The following IQSEC1 variants were observed in gnomAD, a reference collection of about 807,000 sequenced individuals.
IQSEC1 encodes the protein IQ motif and SEC7 domain-containing protein 1.
Under a neutral mutation model 91.0 loss-of-function variants are expected in IQSEC1, and 31 were observed. The ratio of observed to expected loss-of-function variants is 0.34; its 90% CI spans 0.26 to 0.46. IQSEC1 has a LOEUF of 0.46. Among genes scored for constraint, IQSEC1 ranks in the 20% least tolerant of loss-of-function variants. IQSEC1 has a pLI of 1.00. For synonymous variants in IQSEC1, 699 were observed against 662.6 expected, an observed-to-expected ratio of 1.05 and a Z score of -0.84; for missense variants, 1,388 against 1,575.6, an observed-to-expected ratio of 0.88 and a Z score of 2.02.
At position 13,022,183 on chromosome 3, in the gene IQSEC1, G is replaced by A. The variant is rs535607534; in HGVS notation, c.23+50809C>T. ...CAGAGTCTCCTCCTGGCCAGGGAAC[G>A]GCTCTCTTCACGGATTTTCAGGTCC... On this transcript the variant is annotated intron_variant, in intron 1 of 13. Coordinates refer to ENST00000613206, the MANE Select transcript of IQSEC1 (RefSeq NM_001134382.3). 24 of 1,231,392 alleles carry A rather than the reference G, an allele frequency of 1.9e-5. No homozygotes were observed. In the South Asian group the frequency reaches 5.8e-4, roughly 30 times the overall value. 76.3% of individuals were successfully genotyped at this position (1,231,392 alleles called of 1,614,324 possible). A position where few individuals can be genotyped will look rare whatever the true frequency, so the allele number is the denominator to read the frequency against.
At chr3:13,243,807 G>A (rs1380340653) in intron 1 of IQSEC1, among the ~76,000 whole-genome samples, 1 of 151,944 alleles carries the variant, frequency 6.6e-6, no homozygotes, top group Non-Finnish European at 1.5e-5. Context: ...GGGGGCGTAT[G>A]GCAGAATGGG....
rs1243544794 is a variant in IQSEC1 at position 13,282,642 on chromosome 3, C to G, written c.272+69G>C. 1.3e-5 allele frequency among the ~76,000 whole-genome samples: 2 copies of G among 151,674 alleles called. No homozygotes were observed. The highest frequency in any genetic ancestry group is 2.0e-4 in the East Asian group (1 of 5,118). On this transcript the variant is annotated intron_variant, in intron 1 of 15. Coordinates refer to the IQSEC1 transcript ENST00000648114. The surrounding 1 kb of genome is among the most constrained non-coding windows in gnomAD (Gnocchi z 6.4). ...ACCCGCCCACCTCCCCGCCAAGCCC[C>G]GAGGGAAGCCGCGGACCCCAAGAAG... is the stretch of plus-strand genomic sequence containing the variant.
chr3:13,253,391 G>A lies in IQSEC1; in HGVS notation c.272+29320C>T, dbSNP rs12629088. ...CCCCCTGGTCAGCAGATTCCTCCCC[G>A]GAAGTAATCATCCCCACCCGAGGCA... On this transcript the variant is annotated intron_variant, in intron 1 of 15. Coordinates refer to the IQSEC1 transcript ENST00000648114. Among the ~76,000 whole-genome samples the A allele has an allele frequency of 4.6e-5, 7 of 152,208 alleles. No homozygotes were observed. The East Asian group carries it at 5.8e-4, about 13-fold the overall frequency.
intron 1 of IQSEC1, among the ~76,000 whole-genome samples, chr3:12,999,884 A>G (rs572055598): frequency 5.3e-5 from 8 of 152,142 alleles, no homozygotes; most frequent in Middle Eastern, 3.2e-3. Flanking sequence ...ATTTTCAACA[A>G]TACACATTCG....
At chr3:12,968,473 G>C (rs1050474641) in intron 1 of IQSEC1, among the ~76,000 whole-genome samples, 1 of 152,146 alleles carries the variant, frequency 6.6e-6, no homozygotes. Context: ...GCAACATTGT[G>C]AAGTAGGTGG....
intron 1 of IQSEC1, among the ~76,000 whole-genome samples, chr3:13,223,443 C>G (rs1031721234): frequency 4.6e-5 from 7 of 152,170 alleles, no homozygotes; most frequent in Non-Finnish European, 7.4e-5. Context: ...AAAGCTTCTC[C>G]GCCCACCCAG....
chr3:13,076,683 A>C (rs73813160), upstream of IQSEC1, among the ~76,000 whole-genome samples: 6,695 of 152,246 alleles, frequency 0.044, 519 homozygotes, highest in African/African-American at 0.15. Flanking sequence ...TGGAACTGCA[A>C]AGCCGTCAAC....
At chr3:13,140,181 T>C (rs1706777286) in intron 2 of IQSEC1, among the ~76,000 whole-genome samples, 1 of 152,188 alleles carries the variant, frequency 6.6e-6, no homozygotes. Flanking sequence ...TCCCTCTGCC[T>C]GGCATCCCTT....
At chr3:13,283,226 C>A (rs1695835688) in exon 1 of IQSEC1, among the ~76,000 whole-genome samples, 1 of 149,024 alleles carries the variant, frequency 6.7e-6, no homozygotes, top group African/African-American at 2.4e-5. Flanking sequence ...GGAGCTGCGG[C>A]CGCAGCGGGC....
intron 6 of IQSEC1, among the ~76,000 whole-genome samples, chr3:12,919,542 G>A (rs987188097): frequency 2.0e-5 from 3 of 152,240 alleles, no homozygotes; most frequent in African/African-American, 7.2e-5. Flanking sequence ...TCAAGGAGAA[G>A]GGACGGCAGA....
intron 1 of IQSEC1, among the ~76,000 whole-genome samples, chr3:12,964,601 G>C (rs527437792): frequency 6.6e-6 from 1 of 152,200 alleles, no homozygotes; most frequent in Non-Finnish European, 1.5e-5. Context: ...AGCACTCCAT[G>C]AAGCAGTGTT....
At chr3:13,266,587 T>C (rs1330280238) in intron 1 of IQSEC1, among the ~76,000 whole-genome samples, 1 of 151,612 alleles carries the variant, frequency 6.6e-6, no homozygotes, top group African/African-American at 2.4e-5. Flanking sequence ...GCAGCTTTTT[T>C]TTTTTTTCAA....
rs1295068545 is a variant in IQSEC1, at chr3:12,901,074, CCCA to C, written c.3251_3253del (p.Val1084del). 1.3e-6 allele frequency: 2 copies of C among 1,540,334 alleles called. No homozygotes were observed. The highest frequency in any genetic ancestry group is 4.9e-5 in the East Asian group (2 of 40,802). ...CTGCCCATGGTGGTGCACTGTGTGCCCCACGTGGGCCGAGGGCAGCGGCGGGTG... is the reference window on the plus strand; with the variant it reads ...CTGCCCATGGTGGTGCACTGTGTGCCCGTGGGCCGAGGGCAGCGGCGGGTG... On this transcript the variant is annotated inframe_deletion, in exon 14 of 14. Coordinates refer to ENST00000613206, the MANE Select transcript of IQSEC1 (RefSeq NM_001134382.3).
chr3:13,220,353 A>G (rs1305286169), intron 1 of IQSEC1, among the ~76,000 whole-genome samples: 1 of 152,164 alleles, frequency 6.6e-6, no homozygotes, highest in East Asian at 1.9e-4. Context: ...GGGGCCCAGG[A>G]GAAGAATGGG....
chr3:13,267,473 T>C (rs1254947099), intron 1 of IQSEC1, among the ~76,000 whole-genome samples: 2 of 152,166 alleles, frequency 1.3e-5, no homozygotes, highest in African/African-American at 4.8e-5. Context: ...AGCCGCGTTT[T>C]CCATCCCTCT....
intron 1 of IQSEC1, among the ~76,000 whole-genome samples, chr3:12,956,102 C>A (rs1400168894): frequency 2.0e-5 from 3 of 152,192 alleles, no homozygotes; most frequent in Admixed American, 2.0e-4. Context: ...TCAGACAAAG[C>A]GAGGTGGCAG....
intron 2 of IQSEC1, among the ~76,000 whole-genome samples, chr3:13,137,253 G>C (rs1443127194): frequency 2.0e-5 from 3 of 152,192 alleles, no homozygotes; most frequent in Non-Finnish European, 2.9e-5. Context: ...CAGCAGCATT[G>C]TTAATAATAG....
At chr3:13,152,971 G>A (rs972931802) in intron 2 of IQSEC1, among the ~76,000 whole-genome samples, 1 of 152,214 alleles carries the variant, frequency 6.6e-6, no homozygotes, top group African/African-American at 2.4e-5. Context: ...TCCTGTAGGG[G>A]CACCTTCCAG....
intron 1 of IQSEC1, among the ~76,000 whole-genome samples, chr3:13,186,212 G>GAGGGC (rs1022591369): frequency 6.6e-6 from 1 of 152,172 alleles, no homozygotes; most frequent in African/African-American, 2.4e-5. Context: ...TCTGCTCCCT[G>GAGGGC]AGGGCAGGGA....
Sources: gnomAD v4.1 joint callset for allele counts (sites outside exome capture counted in the v4.1 genomes callset) on GRCh38, gnomAD v4.1.1 for gene constraint, Gnocchi (gnomAD v3.1) non-coding constraint, MANE v1.5 for transcripts, NCBI Gene and HGNC (gene_info 2026-07-23, HGNC 2026-07-21) for gene names.